PFKFB3: variants seen among roughly 807,000 people sequenced by gnomAD.
PFKFB3 encodes the protein 6-phosphofructo-2-kinase/fructose-2,6-biphosphatase 3.
Under a neutral mutation model 68.0 loss-of-function variants are expected in PFKFB3, and 33 were observed. The ratio of observed to expected loss-of-function variants is 0.49; its 90% CI spans 0.37 to 0.65. PFKFB3 has a LOEUF of 0.65. Ranked by LOEUF, PFKFB3 falls within the 30% of genes least tolerant of loss-of-function variation. The probability of loss-of-function intolerance (pLI) is 0.00; values close to 1 mark genes in which losing one functional copy is unlikely to be tolerated. For missense variants in PFKFB3, 586 were observed against 712.2 expected, an observed-to-expected ratio of 0.82 and a Z score of 2.02; for synonymous variants, 315 against 288.2, an observed-to-expected ratio of 1.09 and a Z score of -0.94.
chr10:6,254,808 C>CTTTTTTTTTTTTTTTTTTTTT (rs144888417), downstream of PFKFB3, among the ~76,000 whole-genome samples: 8 of 61,622 alleles, frequency 1.3e-4, 2 homozygotes, highest in African/African-American at 2.8e-4. Context: ...TTTTTCTGTT[C>CTTTTTTTTTTTTTTTTTTTTT]TTTTTTTTTT....
At chr10:6,261,980 G>A in the PFKFB3 span, among the ~76,000 whole-genome samples, 1 of 150,160 alleles carries the variant, frequency 6.7e-6, no homozygotes, top group Non-Finnish European at 1.5e-5. Context: ...CTTGGGGACA[G>A]AGTGAGACTC....
intron 1 of PFKFB3, among the ~76,000 whole-genome samples, chr10:6,177,744 G>A (rs1842571422): frequency 6.6e-6 from 1 of 151,922 alleles, no homozygotes; most frequent in Non-Finnish European, 1.5e-5. Flanking sequence ...GGCTGGTCTC[G>A]AACTCCCGAC....
At chr10:6,307,694 G>A in the PFKFB3 span, among the ~76,000 whole-genome samples, 6 of 151,962 alleles carry the variant, frequency 3.9e-5, no homozygotes, top group African/African-American at 7.2e-5. Context: ...AGGCTCCACC[G>A]TCTGGTGCCA....
chr10:6,190,749 C>G (rs1843001085), intron 1 of PFKFB3, among the ~76,000 whole-genome samples: 1 of 152,208 alleles, frequency 6.6e-6, no homozygotes, highest in South Asian at 2.1e-4. Context: ...CCATTAACTT[C>G]TATTTCAACA....
intron 13 of PFKFB3, among the ~76,000 whole-genome samples, chr10:6,224,787 C>T (rs1350605949): frequency 6.6e-6 from 1 of 152,122 alleles, no homozygotes; most frequent in Non-Finnish European, 1.5e-5. Flanking sequence ...TGCCCAGCGT[C>T]TCTTCTCTTT....
chr10:6,281,012 T>A, the PFKFB3 span, among the ~76,000 whole-genome samples: 80,947 of 148,388 alleles, frequency 0.55, 24,817 homozygotes, highest in Non-Finnish European at 0.71. Flanking sequence ...TGCCTTTGCA[T>A]CCTCATAGCT....
intron 1 of PFKFB3, among the ~76,000 whole-genome samples, chr10:6,167,480 A>G (rs1172663054): frequency 2.6e-5 from 4 of 152,218 alleles, no homozygotes; most frequent in Non-Finnish European, 5.9e-5. Context: ...TTTCTGCCAC[A>G]TTTATTAAAT....
the PFKFB3 span, among the ~76,000 whole-genome samples, chr10:6,282,262 C>G: frequency 3.3e-5 from 5 of 152,136 alleles, no homozygotes; most frequent in Admixed American, 1.3e-4. Flanking sequence ...CGGATTCAGG[C>G]TCAGATCCCT....
intron 1 of PFKFB3, among the ~76,000 whole-genome samples, chr10:6,147,495 C>T (rs541522705): frequency 1.7e-3 from 259 of 152,182 alleles, no homozygotes; most frequent in Non-Finnish European, 2.8e-3. Context: ...CCAGGCAAGT[C>T]GAGGAGTTTA....
intron 1 of PFKFB3, among the ~76,000 whole-genome samples, chr10:6,157,889 C>A (rs769874828): frequency 7.9e-5 from 12 of 151,958 alleles, no homozygotes; most frequent in Non-Finnish European, 1.8e-4. Context: ...ATGGAAAAAC[C>A]GACTTGACTG....
chr10:6,183,631 A>ATG (rs1842784848), intron 1 of PFKFB3, among the ~76,000 whole-genome samples: 1 of 146,810 alleles, frequency 6.8e-6, no homozygotes, highest in African/African-American at 2.5e-5. Context: ...ATATATATAT[A>ATG]TGTATATAAA....
rs200977986 is a variant in PFKFB3, at chr10:6,226,338, G to A, written c.1488G>A (p.Pro496=). ...TSAALPSCLP[P]EVPTQLPGQN... ...CCGCCCTGCCCAGCTGCCTGCCCCC[G>A]GAGGTGCCCACGCAGCTGCCTGGAC... The change falls in exon 14 of 15, where the codon CCG becomes CCA. Residue 496 remains proline (P), a synonymous_variant. Transcript: ENST00000379775. 2.6e-5 allele frequency: 42 copies of A among 1,613,332 alleles called. No homozygotes were observed. The highest frequency in any genetic ancestry group is 6.7e-5 in the East Asian group (3 of 44,886).
intron 1 of PFKFB3, among the ~76,000 whole-genome samples, chr10:6,153,159 G>A (rs934628519): frequency 6.9e-6 from 1 of 144,542 alleles, no homozygotes; most frequent in African/African-American, 2.6e-5. Context: ...GAGACACAGC[G>A]AGACTCTGTC....
At chr10:6,159,393 T>C (rs181321805) in intron 1 of PFKFB3, among the ~76,000 whole-genome samples, 1 of 150,200 alleles carries the variant, frequency 6.7e-6, no homozygotes, top group African/African-American at 2.4e-5. Context: ...AGACTCTGTC[T>C]TAATTAAAAA....
At chr10:6,168,215 A>G (rs1289606200) in intron 1 of PFKFB3, among the ~76,000 whole-genome samples, 1 of 152,208 alleles carries the variant, frequency 6.6e-6, no homozygotes, top group Non-Finnish European at 1.5e-5. Context: ...ATCATGAGGT[A>G]GTGAGTCCTG....
At chr10:6,271,506 A>G in the PFKFB3 span, among the ~76,000 whole-genome samples, 1 of 152,180 alleles carries the variant, frequency 6.6e-6, no homozygotes, top group African/African-American at 2.4e-5. Flanking sequence ...CTTTGAGAGT[A>G]ATGAAGCCAC....
At chr10:6,171,277 A>G (rs748196518) in intron 1 of PFKFB3, among the ~76,000 whole-genome samples, 1 of 149,778 alleles carries the variant, frequency 6.7e-6, no homozygotes, top group Non-Finnish European at 1.5e-5. Flanking sequence ...CTAGTCTTGA[A>G]CTCCCGACCT....
the PFKFB3 span, among the ~76,000 whole-genome samples, chr10:6,306,721 G>A: frequency 1.2e-4 from 18 of 152,168 alleles, no homozygotes; most frequent in African/African-American, 3.9e-4. Context: ...ATGGAAGGCC[G>A]TGTCCTGGGC....
At chr10:6,278,820 G>A in the PFKFB3 span, among the ~76,000 whole-genome samples, 1 of 145,704 alleles carries the variant, frequency 6.9e-6, no homozygotes, top group Non-Finnish European at 1.5e-5. Flanking sequence ...ACACATAGGA[G>A]CCATTTAAGG....
Sources: allele counts gnomAD v4.1 joint callset (sites outside exome capture counted in the v4.1 genomes callset), GRCh38; gene constraint gnomAD v4.1.1; transcripts MANE v1.5; gene names NCBI Gene and HGNC (gene_info 2026-07-23, HGNC 2026-07-21).